Variants in SOX6 observed in about 807,000 individuals in gnomAD.
SOX6 encodes SRY-box transcription factor 6.
A neutral mutation model predicts 97.8 loss-of-function variants in SOX6; 11 were observed. The ratio of observed to expected loss-of-function variants is 0.11; its 90% CI spans 0.07 to 0.19. SOX6 has a LOEUF of 0.19. Ranked by LOEUF, SOX6 falls within the 10% of genes least tolerant of loss-of-function variation. SOX6 has a pLI of 1.00. For missense variants in SOX6, 810 were observed against 1,039.5 expected, an observed-to-expected ratio of 0.78 and a Z score of 3.04; for synonymous variants, 360 against 371.4, an observed-to-expected ratio of 0.97 and a Z score of 0.35.
At chr11:16,046,311 C>T (rs1855828893) in intron 12 of SOX6, among the ~76,000 whole-genome samples, 1 of 152,112 alleles carries the variant, frequency 6.6e-6, no homozygotes, top group Non-Finnish European at 1.5e-5. Flanking sequence ...AGGCAACTTA[C>T]ACTGGGTGGG....
At chr11:16,014,891 C>A in intron 13 of SOX6, 51 bp downstream of exon 13, 2 of 1,524,058 alleles carry the variant, frequency 1.3e-6, no homozygotes, top group Non-Finnish European at 9.1e-7. Flanking sequence ...CTCAGACACA[C>A]ATTTGGAAAC....
At chr11:16,150,790 A>T (rs1269955422) in intron 6 of SOX6, among the ~76,000 whole-genome samples, 4 of 152,162 alleles carry the variant, frequency 2.6e-5, no homozygotes, top group Non-Finnish European at 5.9e-5. Flanking sequence ...TTTATTGTTT[A>T]AATTGTGTAT....
intron 4 of SOX6, among the ~76,000 whole-genome samples, chr11:16,528,303 T>C (rs1195076728): frequency 6.6e-6 from 1 of 152,160 alleles, no homozygotes; most frequent in African/African-American, 2.4e-5. Context: ...GTTGTAGCTG[T>C]GTTTTACATA....
chr11:16,331,384 A>T (rs908677371), intron 2 of SOX6, among the ~76,000 whole-genome samples: 1 of 152,134 alleles, frequency 6.6e-6, no homozygotes, highest in African/African-American at 2.4e-5. Context: ...AGTTTGCCTA[A>T]AGAAGAGAGT....
intron 3 of SOX6, among the ~76,000 whole-genome samples, chr11:16,297,855 G>A (rs991203708): frequency 2.0e-5 from 3 of 152,134 alleles, no homozygotes; most frequent in African/African-American, 7.2e-5. Flanking sequence ...AGGCTGACAG[G>A]GGGAATAAGG....
chr11:16,236,976 CA>C (rs1853043157), intron 3 of SOX6, among the ~76,000 whole-genome samples: 1 of 151,904 alleles, frequency 6.6e-6, no homozygotes, highest in African/African-American at 2.4e-5. Flanking sequence ...GTTCCCATTT[CA>C]GTAGAAGAAA....
At chr11:16,132,975 G>A (rs1849859184) in intron 6 of SOX6, among the ~76,000 whole-genome samples, 1 of 152,032 alleles carries the variant, frequency 6.6e-6, no homozygotes, top group African/African-American at 2.4e-5. Context: ...TTCATTCAGA[G>A]ACAGTTGTGA....
intron 4 of SOX6, among the ~76,000 whole-genome samples, chr11:16,494,650 T>A (rs1815663106): frequency 6.6e-6 from 1 of 151,868 alleles, no homozygotes; most frequent in African/African-American, 2.4e-5. Flanking sequence ...AACACTGAAA[T>A]TCAATAGGGA....
At chr11:16,315,682 A>G (rs549008533) in intron 3 of SOX6, 13 of 152,306 alleles carry the variant, frequency 8.5e-5, no homozygotes, top group Admixed American at 2.0e-4. Flanking sequence ...CAGGTTCCTC[A>G]TAACTTCTTG....
At chr11:16,264,012 T>C (rs1430871720) in intron 3 of SOX6, among the ~76,000 whole-genome samples, 1 of 151,972 alleles carries the variant, frequency 6.6e-6, no homozygotes, top group African/African-American at 2.4e-5. Flanking sequence ...TTATATCATC[T>C]GAAATACAGT....
At chr11:16,337,396 T>C (rs1856497654) in intron 2 of SOX6, among the ~76,000 whole-genome samples, 1 of 152,122 alleles carries the variant, frequency 6.6e-6, no homozygotes, top group African/African-American at 2.4e-5. Flanking sequence ...CAATATCATA[T>C]ACAGGTCATG....
intron 1 of SOX6, among the ~76,000 whole-genome samples, chr11:16,348,877 C>T (rs1422473383): frequency 2.0e-5 from 3 of 152,004 alleles, no homozygotes; most frequent in Admixed American, 6.6e-5. Flanking sequence ...GCTGAAAATT[C>T]ATCTCATGAA....
intron 4 of SOX6, among the ~76,000 whole-genome samples, chr11:16,226,125 C>T (rs932305141): frequency 1.3e-5 from 2 of 151,936 alleles, no homozygotes; most frequent in Non-Finnish European, 2.9e-5. Context: ...GTAGAATTTT[C>T]CATCAAAAAG....
chr11:16,713,553 T>C (rs1848196628), intron 3 of SOX6, among the ~76,000 whole-genome samples: 1 of 152,194 alleles, frequency 6.6e-6, no homozygotes, highest in East Asian at 1.9e-4. Flanking sequence ...AATTTAAGTT[T>C]TCCTAATAGC....
intron 4 of SOX6, among the ~76,000 whole-genome samples, chr11:16,523,964 C>A (rs1861114065): frequency 6.6e-6 from 1 of 152,174 alleles, no homozygotes; most frequent in Non-Finnish European, 1.5e-5. Context: ...AGACCCATAA[C>A]AGGCTCTGAA....
At chr11:16,521,728 T>C (rs977771593) in intron 4 of SOX6, among the ~76,000 whole-genome samples, 38 of 152,188 alleles carry the variant, frequency 2.5e-4, no homozygotes, top group Middle Eastern at 3.4e-3. Flanking sequence ...TTAAAAACTT[T>C]GAAAAAAATT....
chr11:16,484,681 G>A (rs1590219881), intron 4 of SOX6: 15 of 612,742 alleles, frequency 2.4e-5, no homozygotes, highest in South Asian at 8.9e-5. Flanking sequence ...TGGCTGCTGC[G>A]CTCCCCAGAC....
chr11:16,451,422 G>T (rs1181835372), intron 1 of SOX6, among the ~76,000 whole-genome samples: 7 of 152,074 alleles, frequency 4.6e-5, no homozygotes, highest in African/African-American at 1.7e-4. Flanking sequence ...CTGAAGATTG[G>T]ATGTCTGCTA....
intron 4 of SOX6, among the ~76,000 whole-genome samples, chr11:16,590,199 G>T (rs574736962): frequency 6.6e-6 from 1 of 152,114 alleles, no homozygotes. Flanking sequence ...AAAAAGAAAT[G>T]TCAGGTAGGA....
Sources: allele counts gnomAD v4.1 joint callset (sites outside exome capture counted in the v4.1 genomes callset), GRCh38; gene constraint gnomAD v4.1.1; transcripts MANE v1.5; gene names NCBI Gene and HGNC (gene_info 2026-07-23, HGNC 2026-07-21).